CCNH: variants seen among roughly 807,000 people sequenced by gnomAD.
The protein encoded by CCNH is cyclin-H.
A neutral mutation model predicts 41.9 loss-of-function variants in CCNH; 31 were observed. The observed-to-expected ratio is 0.74, with a 90% confidence interval of 0.56 to 1.00. The LOEUF is 1.00. Ranked by LOEUF, CCNH falls within the 50% of genes least tolerant of loss-of-function variation. CCNH has a pLI of 0.00. For missense variants in CCNH, 362 were observed against 388.4 expected, an observed-to-expected ratio of 0.93 and a Z score of 0.57; for synonymous variants, 138 against 136.1, an observed-to-expected ratio of 1.01 and a Z score of -0.10.
At chr5:87,379,528 A>G (rs1157528713), upstream of CCNH, among the ~76,000 whole-genome samples, 4 of 152,198 alleles carry the variant, frequency 2.6e-5, no homozygotes, top group African/African-American at 9.6e-5. Context: ...CAGTTGGCTA[A>G]TTGGGAATAA....
At chr5:87,402,275 T>C (rs1763477189) in intron 5 of CCNH, among the ~76,000 whole-genome samples, 1 of 152,224 alleles carries the variant, frequency 6.6e-6, no homozygotes, top group Non-Finnish European at 1.5e-5. Flanking sequence ...CCAACAAGAC[T>C]ACCACCTAAT....
intron 9 of CCNH, among the ~76,000 whole-genome samples, chr5:87,341,066 T>C (rs1464112425): frequency 6.6e-6 from 1 of 151,994 alleles, no homozygotes; most frequent in Non-Finnish European, 1.5e-5. Context: ...AGTTGGGCTG[T>C]TGTTTAAGAA....
chr5:87,392,387 CA>C, downstream of CCNH: 1 of 454,796 alleles, frequency 2.2e-6, no homozygotes, highest in South Asian at 1.6e-5. Context: ...ACACTGATAC[CA>C]AAAATCTCAA....
At chr5:87,358,900 C>A (rs1190270386) in intron 9 of CCNH, among the ~76,000 whole-genome samples, 5 of 152,170 alleles carry the variant, frequency 3.3e-5, no homozygotes, top group African/African-American at 1.2e-4. Flanking sequence ...CCACTAGCCT[C>A]ACTCTTACAT....
At chr5:87,372,013 T>C (rs975530332), downstream of CCNH, 7 of 871,076 alleles carry the variant, frequency 8.0e-6, 1 homozygote, top group South Asian at 9.7e-5. Context: ...AATGGCAGTC[T>C]AGAGAAGGAA....
At chr5:87,385,489 T>A in intron 9 of CCNH, 1 of 878,016 alleles carries the variant, frequency 1.1e-6, no homozygotes. Flanking sequence ...CAGTGAAATT[T>A]TTAGCGATGA....
chr5:87,412,328 T>C, intron 1 of CCNH: 1 of 878,648 alleles, frequency 1.1e-6, no homozygotes. Context: ...TGCCTGGAAC[T>C]TCCTTTCCCA....
At chr5:87,379,888 A>G (rs1024442060), upstream of CCNH, 6 of 1,587,554 alleles carry the variant, frequency 3.8e-6, no homozygotes, top group Non-Finnish European at 4.3e-6. Context: ...GAAATTGTGT[A>G]TCTATGTCTT....
chr5:87,403,886 T>C (rs894433339), intron 5 of CCNH, among the ~76,000 whole-genome samples: 1 of 152,244 alleles, frequency 6.6e-6, no homozygotes, highest in Non-Finnish European at 1.5e-5. Flanking sequence ...GAGATTTATC[T>C]TATTCATACT....
downstream of CCNH, among the ~76,000 whole-genome samples, chr5:87,314,204 A>G (rs1006214595): frequency 1.3e-5 from 2 of 152,098 alleles, no homozygotes; most frequent in African/African-American, 4.8e-5. Flanking sequence ...ATAAAAAAAT[A>G]AAGAAAGTGC....
At chr5:87,313,121 A>AGT in the CCNH span, among the ~76,000 whole-genome samples, 2 of 152,156 alleles carry the variant, frequency 1.3e-5, no homozygotes, top group Non-Finnish European at 2.9e-5. Flanking sequence ...GGGAGTTCAG[A>AGT]GTAGGGGAGG....
At chr5:87,328,417 GGGGTTGAT>G (rs1411526896) in intron 9 of CCNH, among the ~76,000 whole-genome samples, 2 of 152,082 alleles carry the variant, frequency 1.3e-5, no homozygotes, top group Admixed American at 6.5e-5. Flanking sequence ...GAGTAATAGT[GGGGTTGAT>G]TAAATATGTT....
Position 87,394,342 on chromosome 5 carries a change from A to G in CCNH, c.*104T>C. ...GAAAGAAAACAATAGAAAAGTTTTA[A>G]TATATTTTATGTTTTCACATTATAC... On this transcript the variant is annotated 3_prime_UTR_variant, in exon 9 of 9. Transcript: ENST00000256897. 1 of 1,452,516 alleles carries G rather than the reference A, an allele frequency of 6.9e-7. No homozygotes were observed. The highest frequency in any genetic ancestry group is 9.1e-7 in the Non-Finnish European group (1 of 1,095,566). 90.0% of individuals were successfully genotyped at this position (1,452,516 alleles called of 1,614,324 possible).
upstream of CCNH, chr5:87,379,875 C>G (rs1475721376): frequency 1.2e-6 from 2 of 1,604,202 alleles, no homozygotes; most frequent in Non-Finnish European, 8.5e-7. Flanking sequence ...TTTCATTTGA[C>G]AAGAAATTGT....
At chr5:87,351,391 GA>G (rs1759264086) in intron 9 of CCNH, among the ~76,000 whole-genome samples, 1 of 151,690 alleles carries the variant, frequency 6.6e-6, no homozygotes, top group African/African-American at 2.4e-5. Flanking sequence ...AAATGCATGG[GA>G]ATCAATAAAT....
At chr5:87,367,898 A>G (rs547517239) in intron 9 of CCNH, among the ~76,000 whole-genome samples, 1 of 152,232 alleles carries the variant, frequency 6.6e-6, no homozygotes, top group African/African-American at 2.4e-5. Context: ...AATGTATCTC[A>G]CACAACTTTC....
chr5:87,326,936 A>G (rs1348493499), intron 9 of CCNH, among the ~76,000 whole-genome samples: 1 of 152,208 alleles, frequency 6.6e-6, no homozygotes, highest in Non-Finnish European at 1.5e-5. Context: ...ACTGGAAAAT[A>G]GGTAATTGAG....
chr5:87,401,043 G>A (rs1763367790), intron 6 of CCNH, among the ~76,000 whole-genome samples: 1 of 152,210 alleles, frequency 6.6e-6, no homozygotes, highest in African/African-American at 2.4e-5. Context: ...TCACAAAAGT[G>A]GTGGCTTAAA....
chr5:87,394,176 A>G (rs1762733132), downstream of CCNH: 1 of 923,658 alleles, frequency 1.1e-6, no homozygotes, highest in Non-Finnish European at 1.4e-6. Context: ...AGGTTTGCCT[A>G]TCATATTTTG....
Sources: allele counts gnomAD v4.1 joint callset (sites outside exome capture counted in the v4.1 genomes callset), GRCh38; gene constraint gnomAD v4.1.1; transcripts MANE v1.5; gene names NCBI Gene and HGNC (gene_info 2026-07-23, HGNC 2026-07-21).